Variants in ADAM18 observed in about 807,000 individuals in gnomAD.
The protein encoded by ADAM18 is disintegrin and metalloproteinase domain-containing protein 18.
A neutral mutation model predicts 94.4 loss-of-function variants in ADAM18; 117 were observed. That is an observed-to-expected ratio of 1.24 (90% confidence interval 1.07 to 1.45). ADAM18 has a LOEUF of 1.45. Among genes scored for constraint, ADAM18 ranks in the 40% most tolerant of loss-of-function variants. The pLI is 0.00. For missense variants in ADAM18, 936 were observed against 880.0 expected (o/e 1.06, Z -0.81); for synonymous variants, 327 against 291.6 (o/e 1.12, Z -1.24).
chr8:39,680,082 T>G lies in ADAM18; in HGVS notation c.1677T>G (p.Asn559Lys), dbSNP rs745437384. 2.5e-6 allele frequency: 4 copies of G among 1,613,822 alleles called. No homozygotes were observed. The South Asian group carries it at 3.3e-5, about 13-fold the overall frequency. ...TAGCTTGTGTTCAGCCACATAAAAA[T>G]GCTAATAAAAGTGACGCTCAATCTA... ...GKLACVQPHKNANKSDAQSTV... is the reference protein window; with the variant it reads ...GKLACVQPHKKANKSDAQSTV... Residue 559 changes from asparagine to lysine, a missense_variant, in exon 16 of 20, where the codon AAT becomes AAG. Asn to Lys is a moderately conservative substitution (Grantham distance 94). Transcript: ENST00000265707.
At chr8:39,669,182 G>A (rs140093965) in intron 14 of ADAM18, among the ~76,000 whole-genome samples, 268 of 150,698 alleles carry the variant, frequency 1.8e-3, no homozygotes, top group East Asian at 7.6e-3. Context: ...ATTAAGTAGC[G>A]TCTACAATAT....
chr8:39,620,622 A>T (rs1236607249), intron 6 of ADAM18, among the ~76,000 whole-genome samples: 1 of 147,116 alleles, frequency 6.8e-6, no homozygotes, highest in Admixed American at 6.9e-5. Context: ...TATATATTAA[A>T]ATATATATAA....
chr8:39,641,060 C>A (rs147841454), intron 10 of ADAM18, among the ~76,000 whole-genome samples: 1 of 152,060 alleles, frequency 6.6e-6, no homozygotes, highest in African/African-American at 2.4e-5. Flanking sequence ...TTGCTTTTGG[C>A]ATCTTTTTCA....
chr8:39,601,776 T>C (rs918102201), intron 2 of ADAM18, among the ~76,000 whole-genome samples: 1 of 152,186 alleles, frequency 6.6e-6, no homozygotes, highest in African/African-American at 2.4e-5. Flanking sequence ...ATCTCTAGAA[T>C]TTTTTTATAT....
At chr8:39,700,043 C>T (rs1822021175) in intron 17 of ADAM18, among the ~76,000 whole-genome samples, 1 of 152,054 alleles carries the variant, frequency 6.6e-6, no homozygotes, top group Admixed American at 6.6e-5. Context: ...ACTGAATTGG[C>T]CAGAATATTC....
chr8:39,712,866 A>G (rs1022282139), intron 18 of ADAM18, among the ~76,000 whole-genome samples: 8 of 152,218 alleles, frequency 5.3e-5, no homozygotes, highest in Non-Finnish European at 5.9e-5. Context: ...CATACTGCCC[A>G]AAGTAATTTG....
chr8:39,711,925 C>T (rs1386283872), intron 18 of ADAM18, among the ~76,000 whole-genome samples: 2 of 150,614 alleles, frequency 1.3e-5, no homozygotes, highest in East Asian at 3.9e-4. Context: ...TAATGAACTG[C>T]AAACAGGACA....
At chr8:39,595,488 T>C (rs1818713309) in intron 2 of ADAM18, among the ~76,000 whole-genome samples, 1 of 152,122 alleles carries the variant, frequency 6.6e-6, no homozygotes, top group Admixed American at 6.6e-5. Flanking sequence ...TAAATATGTA[T>C]TTATTTGTTT....
In ADAM18 at chr8:39,629,383, C is replaced by T; in HGVS notation, c.532C>T (p.Leu178Phe). The stretch of plus-strand genomic sequence containing the variant: ...TGTTGTTGTTTTCCAGATAAAAAAT[C>T]TTTCAAAACTATTACCCCAATATCT... Reference protein sequence around the residue: ...KVPLNSQIKNLSKLLPQYLEI... With the variant: ...KVPLNSQIKNFSKLLPQYLEI... Residue 178 changes from leucine to phenylalanine, a missense_variant, in exon 7 of 20, where the codon CTT (leucine) becomes TTT (phenylalanine). Leu to Phe is a conservative substitution (Grantham distance 22). Coordinates refer to ENST00000265707, the MANE Select transcript of ADAM18 (RefSeq NM_014237.3). 1.9e-6 allele frequency: 3 copies of T among 1,573,232 alleles called. No homozygotes were observed. The highest frequency in any genetic ancestry group is 1.7e-4 in the Middle Eastern group (1 of 5,936).
intron 7 of ADAM18, among the ~76,000 whole-genome samples, chr8:39,635,891 G>T (rs1177614765): frequency 6.6e-6 from 1 of 151,950 alleles, no homozygotes; most frequent in Non-Finnish European, 1.5e-5. Context: ...AGCAGTGTTG[G>T]TTTCATAAAA....
intron 10 of ADAM18, among the ~76,000 whole-genome samples, chr8:39,640,543 T>C (rs1820208579): frequency 1.3e-5 from 2 of 152,074 alleles, no homozygotes; most frequent in African/African-American, 4.8e-5. Context: ...GGTATATAGT[T>C]AGTAATGGGA....
At chr8:39,621,183 A>G (rs1819603585) in intron 6 of ADAM18, among the ~76,000 whole-genome samples, 1 of 152,150 alleles carries the variant, frequency 6.6e-6, no homozygotes, top group African/African-American at 2.4e-5. Flanking sequence ...ATAAAAATAC[A>G]TTAAAATATT....
chr8:39,609,392 A>G (rs1819194296), intron 4 of ADAM18, 93 bp from the exon 5 acceptor site: 4 of 821,318 alleles, frequency 4.9e-6, no homozygotes, highest in Admixed American at 5.0e-5. Flanking sequence ...TTATTATTAA[A>G]TCTTTTAATA....
At chr8:39,711,707 C>A (rs1401162208) in intron 18 of ADAM18, among the ~76,000 whole-genome samples, 2 of 151,812 alleles carry the variant, frequency 1.3e-5, no homozygotes, top group Non-Finnish European at 2.9e-5. Context: ...ATGGTTGAAT[C>A]TGAGGACCAG....
intron 10 of ADAM18, among the ~76,000 whole-genome samples, chr8:39,642,969 G>A (rs1042603032): frequency 1.3e-5 from 2 of 151,988 alleles, no homozygotes; most frequent in African/African-American, 4.8e-5. Context: ...TTGAACAGTG[G>A]TTTGTGATGC....
intron 18 of ADAM18, among the ~76,000 whole-genome samples, chr8:39,708,437 A>G (rs2129581370): frequency 6.6e-6 from 1 of 152,352 alleles, no homozygotes; most frequent in African/African-American, 2.4e-5. Flanking sequence ...CTGTTAAAAA[A>G]CAACTGTACC....
At chr8:39,664,741 G>C (rs1329661954) in intron 13 of ADAM18, among the ~76,000 whole-genome samples, 1 of 152,048 alleles carries the variant, frequency 6.6e-6, no homozygotes, top group African/African-American at 2.4e-5. Flanking sequence ...AGTATTTATT[G>C]ATATTGGAAT....
At chr8:39,609,253 C>T (rs1819190189) in intron 4 of ADAM18, 133 bp downstream of exon 4, 2 of 749,646 alleles carry the variant, frequency 2.7e-6, no homozygotes, top group Admixed American at 6.1e-5. Context: ...ATAGAAATGG[C>T]ATGTGATAGA....
chr8:39,677,013 G>A (rs1410873930), intron 14 of ADAM18, among the ~76,000 whole-genome samples: 1 of 152,074 alleles, frequency 6.6e-6, no homozygotes, highest in Non-Finnish European at 1.5e-5. Context: ...CAGCATGCTG[G>A]AAGGACCAAA....
Sources: allele counts gnomAD v4.1 joint callset (sites outside exome capture counted in the v4.1 genomes callset), GRCh38; gene constraint gnomAD v4.1.1; transcripts MANE v1.5; gene names NCBI Gene and HGNC (gene_info 2026-07-23, HGNC 2026-07-21).